Variants in ARHGEF4 observed in about 807,000 individuals in gnomAD.
ARHGEF4 encodes APC-stimulated guanine nucleotide exchange factor 1.
In ARHGEF4, 119 loss-of-function variants were observed where a neutral mutation model predicts 162.0. The ratio of observed to expected loss-of-function variants is 0.73; its 90% CI spans 0.63 to 0.86. ARHGEF4 has a LOEUF of 0.86. Among genes scored for constraint, ARHGEF4 ranks in the 40% least tolerant of loss-of-function variants. ARHGEF4 has a pLI of 0.00. For missense variants in ARHGEF4, 2,488 were observed against 2,456.0 expected, an observed-to-expected ratio of 1.01 and a Z score of -0.28; for synonymous variants, 1,014 against 979.9, an observed-to-expected ratio of 1.03 and a Z score of -0.65.
chr2:131,001,302 C>CA (rs70994730), intron 4 of ARHGEF4, among the ~76,000 whole-genome samples: 3,659 of 30,998 alleles, frequency 0.12, 903 homozygotes, highest in Middle Eastern at 0.19. Context: ...GACTGTGTCT[C>CA]AAAAAAAAAA....
chr2:130,931,079 G>T lies in ARHGEF4; in HGVS notation c.3680G>T (p.Cys1227Phe). 6.2e-7 allele frequency: 1 copy of T among 1,614,184 alleles called. No homozygotes were observed. The highest frequency in any genetic ancestry group is 8.5e-7 in the Non-Finnish European group (1 of 1,180,034). ...TTDMVTWALL[C>F]ISAETVRGEA... ...GACATGGTGACATGGGCCCTCCTCTGCATCTCTGCAGAGACTGTGCGTGGG... is the reference window on the plus strand; with the variant it reads ...GACATGGTGACATGGGCCCTCCTCTTCATCTCTGCAGAGACTGTGCGTGGG... Residue 1227 changes from cysteine to phenylalanine, a missense_variant, in exon 3 of 14, where the codon TGC becomes TTC. Transcript: ENST00000409359.
At chr2:130,983,803 C>T (rs1462925846) in intron 4 of ARHGEF4, among the ~76,000 whole-genome samples, 1 of 152,088 alleles carries the variant, frequency 6.6e-6, no homozygotes, top group Non-Finnish European at 1.5e-5. Context: ...GCGTCCGCCA[C>T]CACACCCGGC....
chr2:130,947,860 T>C (rs540590523), intron 4 of ARHGEF4, among the ~76,000 whole-genome samples: 20 of 152,314 alleles, frequency 1.3e-4, no homozygotes, highest in African/African-American at 4.8e-4. Context: ...GTGCAGATTG[T>C]GTTAGGTGGT....
chr2:131,009,312 C>T (rs1338757106), intron 4 of ARHGEF4, among the ~76,000 whole-genome samples: 1 of 152,124 alleles, frequency 6.6e-6, no homozygotes, highest in Non-Finnish European at 1.5e-5. Flanking sequence ...GTATCTCTGT[C>T]TTTCATTACA....
intron 2 of ARHGEF4, among the ~76,000 whole-genome samples, chr2:130,926,014 C>CTCTTTCTTCCTTTCTT (rs1553514613): frequency 1.7e-4 from 17 of 97,206 alleles, no homozygotes; most frequent in African/African-American, 7.0e-4. Flanking sequence ...TTGGTTTTCT[C>CTCTTTCTTCCTTTCTT]TCTTTCTTTC....
intron 5 of ARHGEF4, among the ~76,000 whole-genome samples, chr2:131,030,647 C>T (rs1689791530): frequency 6.6e-6 from 1 of 152,240 alleles, no homozygotes; most frequent in African/African-American, 2.4e-5. Flanking sequence ...GCTACCAGTG[C>T]TTCCAGATCC....
chr2:130,900,141 G>A (rs1000864761), intron 1 of ARHGEF4, among the ~76,000 whole-genome samples: 2 of 152,008 alleles, frequency 1.3e-5, no homozygotes, highest in Non-Finnish European at 2.9e-5. Context: ...TGTGACCCAG[G>A]AGGTTTATTT....
chr2:130,846,866 G>T (rs989172163), intron 1 of ARHGEF4, among the ~76,000 whole-genome samples: 2 of 152,150 alleles, frequency 1.3e-5, no homozygotes, highest in Non-Finnish European at 2.9e-5. Context: ...GGTGGAAGTT[G>T]TGGGCCCCGG....
chr2:130,907,672 G>A (rs562166661), intron 1 of ARHGEF4, among the ~76,000 whole-genome samples: 1 of 152,056 alleles, frequency 6.6e-6, no homozygotes, highest in African/African-American at 2.4e-5. Context: ...TGTATATTGA[G>A]TCCAGGTGCG....
Position 131,010,406 on chromosome 2 carries a change from G to A in ARHGEF4, c.3986-17539G>A, listed in dbSNP as rs1688371938. On this transcript the variant is annotated intron_variant, in intron 4 of 13. Coordinates refer to ENST00000409359, the MANE Select transcript of ARHGEF4 (RefSeq NM_001367493.1). ...TTTTGTTGTGCTTTTTTCCCAGTAGGTATAATTATCTGCACAGAGTTTGTC... is the reference window on the plus strand; with the variant it reads ...TTTTGTTGTGCTTTTTTCCCAGTAGATATAATTATCTGCACAGAGTTTGTC... Among the ~76,000 whole-genome samples, 3 of 152,094 alleles carry A rather than the reference G, an allele frequency of 2.0e-5. No individual in the cohort carries two copies. The South Asian group carries it at 6.2e-4, about 32-fold the overall frequency.
intron 3 of ARHGEF4, among the ~76,000 whole-genome samples, chr2:130,937,140 A>T (rs1683005938): frequency 8.7e-6 from 1 of 114,408 alleles, no homozygotes; most frequent in African/African-American, 2.5e-5. Flanking sequence ...TGAACTTCTG[A>T]CCTCAGGTGA....
At chr2:130,900,939 C>T (rs912326247) in intron 1 of ARHGEF4, among the ~76,000 whole-genome samples, 2 of 152,116 alleles carry the variant, frequency 1.3e-5, no homozygotes, top group Non-Finnish European at 2.9e-5. Flanking sequence ...TGGCTTCTCG[C>T]TTCTGCTTGG....
At chr2:130,839,694 T>C (rs540665914) in intron 1 of ARHGEF4, among the ~76,000 whole-genome samples, 8 of 152,170 alleles carry the variant, frequency 5.3e-5, no homozygotes, top group Non-Finnish European at 8.8e-5. Context: ...AAGGAAAATA[T>C]GTTGTCTCAA....
intron 1 of ARHGEF4, among the ~76,000 whole-genome samples, chr2:130,901,459 C>T (rs1344949255): frequency 2.0e-5 from 3 of 151,980 alleles, no homozygotes; most frequent in South Asian, 2.1e-4. Context: ...GGCATCCATT[C>T]GTCATAGGGC....
chr2:130,842,622 A>G (rs1263237532), intron 1 of ARHGEF4, among the ~76,000 whole-genome samples: 4 of 152,132 alleles, frequency 2.6e-5, no homozygotes, highest in Non-Finnish European at 5.9e-5. Context: ...CTTGGCCACC[A>G]TTGATAATTT....
rs1691158188 is a variant in ARHGEF4 at position 131,045,373 on chromosome 2, C to T, written c.5406C>T (p.Phe1802=). 1 of 1,612,928 alleles carries T rather than the reference C, an allele frequency of 6.2e-7. No individual in the cohort carries two copies. The highest frequency in any genetic ancestry group is 1.1e-5 in the South Asian group (1 of 91,048). The part of the protein sequence containing the change: ...EQVQLDQETG[F]SITELQRKQA... ...TCACCTGTGCCCCTTCCTCAGGCTT[C>T]TCCATCACTGAACTGCAGAGGAAGC... The change falls in exon 13 of 14, where the codon TTC becomes TTT. Residue 1802 remains phenylalanine (F), a synonymous_variant. Transcript: ENST00000409359.
chr2:130,954,406 G>C (rs962935273), intron 4 of ARHGEF4, among the ~76,000 whole-genome samples: 1 of 152,162 alleles, frequency 6.6e-6, no homozygotes, highest in South Asian at 2.1e-4. Context: ...CTTGCCATGG[G>C]GTGGCAGGGG....
intron 1 of ARHGEF4, among the ~76,000 whole-genome samples, chr2:130,849,329 A>G: frequency 6.6e-6 from 1 of 152,132 alleles, no homozygotes; most frequent in East Asian, 1.9e-4. Context: ...AGGCTTTAGG[A>G]TGCAGGGGAA....
At chr2:131,035,481 GT>G (rs2105389648) in intron 5 of ARHGEF4, 1 of 358,514 alleles carries the variant, frequency 2.8e-6, no homozygotes, top group Non-Finnish European at 4.4e-6. Context: ...CCTGTGGGGA[GT>G]GGGGGCTGCG....
Sources: gnomAD v4.1 joint callset for allele counts (sites outside exome capture counted in the v4.1 genomes callset) on GRCh38, gnomAD v4.1.1 for gene constraint, MANE v1.5 for transcripts, NCBI Gene and HGNC (gene_info 2026-07-23, HGNC 2026-07-21) for gene names.